Variants in MDGA2 observed in about 807,000 individuals in gnomAD.
MDGA2 encodes the protein MAM domain-containing glycosylphosphatidylinositol anchor protein 2.
MDGA2 carries 40 observed loss-of-function variants against 117.8 expected under a neutral mutation model. The ratio of observed to expected loss-of-function variants is 0.34; its 90% confidence interval spans 0.26 to 0.44. The LOEUF (loss-of-function observed/expected upper bound fraction) is 0.44. Among genes scored for constraint, MDGA2 ranks in the 20% least tolerant of loss-of-function variants. MDGA2 has a pLI of 1.00. For missense variants in MDGA2, 1,123 were observed against 1,250.6 expected, an observed-to-expected ratio of 0.90 and a Z score of 1.54; for synonymous variants, 452 against 439.0, an observed-to-expected ratio of 1.03 and a Z score of -0.37.
intron 1 of MDGA2, among the ~76,000 whole-genome samples, chr14:47,350,479 C>T (rs777909129): frequency 4.6e-5 from 7 of 152,128 alleles, no homozygotes; most frequent in Non-Finnish European, 8.8e-5. Flanking sequence ...CCTATTTAAA[C>T]ATAAATGTTG....
intron 1 of MDGA2, among the ~76,000 whole-genome samples, chr14:47,588,103 T>C (rs1896360215): frequency 6.6e-6 from 1 of 151,636 alleles, no homozygotes; most frequent in Non-Finnish European, 1.5e-5. Context: ...ATGGCCCATA[T>C]TTTATTTATC....
intron 1 of MDGA2, among the ~76,000 whole-genome samples, chr14:47,508,240 T>A (rs1301857881): frequency 6.6e-6 from 1 of 152,216 alleles, no homozygotes; most frequent in Non-Finnish European, 1.5e-5. Flanking sequence ...TATAGCTGTT[T>A]GCTCTATTTT....
At chr14:47,673,012 G>C (rs1898103357) in intron 1 of MDGA2, among the ~76,000 whole-genome samples, 1 of 152,136 alleles carries the variant, frequency 6.6e-6, no homozygotes, top group African/African-American at 2.4e-5. Context: ...CACTTGGGAA[G>C]GAGGGGTTGG....
At chr14:47,322,980 G>A (rs2139881700) in intron 1 of MDGA2, among the ~76,000 whole-genome samples, 1 of 151,658 alleles carries the variant, frequency 6.6e-6, no homozygotes, top group East Asian at 2.0e-4. Context: ...TAGAAATTCT[G>A]TAGTTGCCAT....
At chr14:47,141,708 G>A (rs1302312917) in intron 4 of MDGA2, among the ~76,000 whole-genome samples, 2 of 145,828 alleles carry the variant, frequency 1.4e-5, no homozygotes, top group African/African-American at 5.2e-5. Context: ...ATCATTAGCA[G>A]TGGTTAGAGA....
intron 8 of MDGA2, among the ~76,000 whole-genome samples, chr14:46,981,913 C>T (rs544841350): frequency 3.3e-5 from 5 of 152,252 alleles, no homozygotes; most frequent in African/African-American, 1.2e-4. Context: ...CAAACAAAAT[C>T]ACAGGGTGAC....
chr14:47,535,404 G>A (rs773827042), intron 1 of MDGA2, among the ~76,000 whole-genome samples: 1 of 152,166 alleles, frequency 6.6e-6, no homozygotes, highest in Non-Finnish European at 1.5e-5. Context: ...AGTATAAATG[G>A]AATGGAAGTA....
intron 1 of MDGA2, among the ~76,000 whole-genome samples, chr14:47,312,693 G>GTTTGTT (rs1889676813): frequency 1.9e-5 from 2 of 104,364 alleles, no homozygotes; most frequent in African/African-American, 6.9e-5. Flanking sequence ...TTTTTGTTTT[G>GTTTGTT]TTTTGTTTTT....
At chr14:47,385,379 T>A (rs8021251) in intron 1 of MDGA2, among the ~76,000 whole-genome samples, 109,454 of 151,712 alleles carry the variant, frequency 0.72, 39,755 homozygotes, top group Middle Eastern at 0.82. Context: ...AATTGAAATA[T>A]GTGATAAATA....
intron 3 of MDGA2, among the ~76,000 whole-genome samples, chr14:47,151,593 A>G (rs1454566215): frequency 1.8e-4 from 27 of 152,006 alleles, no homozygotes; most frequent in Admixed American, 1.8e-3. Flanking sequence ...TTTTATTTAT[A>G]TTTATCTCTT....
At chr14:46,918,799 T>G (rs1288119077) in intron 10 of MDGA2, among the ~76,000 whole-genome samples, 1 of 149,864 alleles carries the variant, frequency 6.7e-6, no homozygotes. Context: ...CTTTTTCTGT[T>G]GCCCAGAGCT....
intron 8 of MDGA2, among the ~76,000 whole-genome samples, chr14:47,033,745 G>A (rs913254961): frequency 2.0e-5 from 3 of 152,220 alleles, no homozygotes; most frequent in Admixed American, 6.5e-5. Context: ...ATCAGTTTGC[G>A]TGTTTATAAG....
intron 9 of MDGA2, among the ~76,000 whole-genome samples, chr14:46,921,205 C>A (rs1330165877): frequency 6.6e-6 from 1 of 152,110 alleles, no homozygotes. Context: ...AAATTAATTA[C>A]ATTTTTTTTC....
At chr14:47,636,157 G>T (rs573036949) in intron 1 of MDGA2, among the ~76,000 whole-genome samples, 2 of 152,124 alleles carry the variant, frequency 1.3e-5, no homozygotes, top group East Asian at 3.9e-4. Context: ...TCTTTTTATG[G>T]TTATATAATA....
At chr14:47,349,760 GTTC>G (rs1215260296) in intron 1 of MDGA2, among the ~76,000 whole-genome samples, 1 of 152,174 alleles carries the variant, frequency 6.6e-6, no homozygotes, top group African/African-American at 2.4e-5. Flanking sequence ...AGTCCTTTCT[GTTC>G]TTCTCTGAGC....
intron 1 of MDGA2, among the ~76,000 whole-genome samples, chr14:47,481,192 A>G (rs1341810515): frequency 6.6e-6 from 1 of 152,010 alleles, no homozygotes; most frequent in Non-Finnish European, 1.5e-5. Context: ...CATTTTCCAC[A>G]TATAAAGTGA....
At position 47,044,817 on chromosome 14, in the gene MDGA2, T is replaced by C. The variant is rs372599891; in HGVS notation, c.1526-9513A>G. Among the ~76,000 whole-genome samples the C allele has an allele frequency of 1.0e-3, 156 of 152,300 alleles. 2 individuals carry two copies. The highest frequency in any genetic ancestry group is 3.6e-3 in the African/African-American group (148 of 41,558). The stretch of plus-strand genomic sequence containing the variant: ...CATTTGGAAGTTCTAAGGGGAAATG[T>C]CCACGCATACACACACATACATAAT... On this transcript the variant is annotated intron_variant, in intron 7 of 16. Coordinates refer to ENST00000399232, the MANE Select transcript of MDGA2 (RefSeq NM_001113498.3).
chr14:46,891,706 C>G (rs1441212418), intron 10 of MDGA2, among the ~76,000 whole-genome samples: 2 of 151,156 alleles, frequency 1.3e-5, no homozygotes, highest in East Asian at 3.9e-4. Flanking sequence ...GTTTTAGTTT[C>G]TAAAAGAATA....
chr14:47,340,198 T>A (rs1284097895), intron 1 of MDGA2, among the ~76,000 whole-genome samples: 1 of 152,120 alleles, frequency 6.6e-6, no homozygotes, highest in Non-Finnish European at 1.5e-5. Context: ...CATTTAATTT[T>A]CTCAGCACAA....
Sources: gnomAD v4.1 joint callset for allele counts (sites outside exome capture counted in the v4.1 genomes callset) on GRCh38, gnomAD v4.1.1 for gene constraint, MANE v1.5 for transcripts, NCBI Gene and HGNC (gene_info 2026-07-23, HGNC 2026-07-21) for gene names.